The following SEC14L4 variants were observed in gnomAD, a reference collection of about 807,000 sequenced individuals.
SEC14L4 encodes SEC14-like protein 4.
A neutral mutation model predicts 55.1 loss-of-function variants in SEC14L4; 42 were observed. That is an observed-to-expected ratio of 0.76 (90% CI 0.60 to 0.99). The LOEUF is 0.99. Ranked by LOEUF, SEC14L4 falls within the 50% of genes least tolerant of loss-of-function variation. The pLI, the probability that SEC14L4 is intolerant of heterozygous loss-of-function variation, is 0.00. For missense variants in SEC14L4, 445 were observed against 512.1 expected (o/e 0.87, Z 1.27); for synonymous variants, 206 against 206.8 (o/e 1.00, Z 0.03).
chr22:30,501,844 C>CGCATATATATATAT (rs1936331980), intron 2 of SEC14L4, among the ~76,000 whole-genome samples: 1 of 50,282 alleles, frequency 2.0e-5, no homozygotes, highest in Non-Finnish European at 3.5e-5. Context: ...CACACACACG[C>CGCATATATATATAT]ACATATATAT....
At chr22:30,501,846 C>CACATATATATAT (rs1371947748) in intron 2 of SEC14L4, among the ~76,000 whole-genome samples, 14 of 111,898 alleles carry the variant, frequency 1.3e-4, no homozygotes, top group African/African-American at 4.6e-4. Flanking sequence ...CACACACGCA[C>CACATATATATAT]ATATATATAT....
chr22:30,495,903 G>T (rs1339709398), intron 3 of SEC14L4, 25 bp downstream of exon 3: 1 of 1,612,000 alleles, frequency 6.2e-7, no homozygotes, highest in Non-Finnish European at 8.5e-7. Context: ...TGGAAGGCAG[G>T]GCAGTAGGGA....
In SEC14L4 at chr22:30,492,169, A is replaced by G; in HGVS notation, c.665-14T>C. 6.3e-7 allele frequency: 1 copy of G among 1,599,082 alleles called. No homozygotes were observed. Among genetic ancestry groups the G allele is most frequent in the South Asian group, 1.1e-5 (1 of 88,952 alleles). The stretch of plus-strand genomic sequence containing the variant: ...GCTTCCAGTTGTCTGCATGGGAGCA[A>G]GAGAGGGACTCCAAAGGGACTCAGG... On this transcript the variant is annotated splice_polypyrimidine_tract_variant and intron_variant, in intron 8 of 11. Transcript: ENST00000255858.
chr22:30,500,837 C>CATCAGATGGCAT lies in SEC14L4; in HGVS notation c.130+2839_130+2840insATGCCATCTGAT, dbSNP rs1409219883. Among the ~76,000 whole-genome samples the CATCAGATGGCAT allele has an allele frequency of 4.5e-3, 652 of 143,820 alleles. 14 individuals carry two copies. The highest frequency in any genetic ancestry group is 0.016 in the African/African-American group (620 of 38,254). The allele number at this position is 143,820 out of a possible 152,430, so 94.4% of individuals were successfully genotyped here. Reference sequence around the variant, plus strand: ...GGGACCAGGGCAGGCACATCCCTGCCCTGATGGAACTGGCATCAGATGAAA... The same window carrying CATCAGATGGCAT: ...GGGACCAGGGCAGGCACATCCCTGCCATCAGATGGCATCTGATGGAACTGGCATCAGATGAAA... On this transcript the variant is annotated intron_variant, in intron 2 of 11. Transcript: ENST00000255858.
In SEC14L4 at chr22:30,492,336, C is replaced by A. The variant is rs1191446452; in HGVS notation, c.664+138G>T. On this transcript the variant is annotated intron_variant, in intron 8 of 11. Coordinates refer to ENST00000255858, the MANE Select transcript of SEC14L4 (RefSeq NM_174977.4). ...CCACGGTCTAGGACCCAAGGCATTG[C>A]CCGTGCGTGTGGAGGCTCACCAGGG... 4 of 1,129,930 alleles carry A rather than the reference C, an allele frequency of 3.5e-6. No homozygotes were observed. The Admixed American group carries it at 8.0e-5, about 23-fold the overall frequency. 70.0% of individuals were successfully genotyped at this position (1,129,930 alleles called of 1,614,324 possible).
intron 8 of SEC14L4, 141 bp from the exon 9 acceptor site, chr22:30,492,296 T>C: frequency 1.6e-6 from 2 of 1,218,328 alleles, no homozygotes; most frequent in Non-Finnish European, 2.4e-6. Flanking sequence ...CCAAGACCTT[T>C]ATGTGGCTCC....
In SEC14L4 at chr22:30,492,436, C is replaced by T. The variant is rs1197194138; in HGVS notation, c.664+38G>A. 4 of 1,556,270 alleles carry T rather than the reference C, an allele frequency of 2.6e-6. No individual in the cohort carries two copies. The African/African-American group carries it at 4.1e-5, about 16-fold the overall frequency. The stretch of plus-strand genomic sequence containing the variant: ...GTCTTTAGCATTGACCTCTGCTTCC[C>T]AGGCAGATGGACACAACCAGGGGGC... On this transcript the variant is annotated intron_variant, in intron 8 of 11. Coordinates refer to ENST00000255858, the MANE Select transcript of SEC14L4 (RefSeq NM_174977.4).
In SEC14L4 at chr22:30,494,159, CA is replaced by C. The variant is rs758996832; in HGVS notation, c.570del (p.Ile190MetfsTer20). 8.7e-6 allele frequency: 14 copies of C among 1,613,292 alleles called. No individual in the cohort carries two copies. In the South Asian group the frequency reaches 1.2e-4, roughly 14 times the overall value. ...ANYPETLKNL[I>X]VIRAPKLFPV... is the part of the protein sequence containing the mutation. ...CCGGTCATGGGCTTACCTCGAATAACAATTAAATTCTTCAGGGTCTCAGGAT... is the reference window on the plus strand; with the variant it reads ...CCGGTCATGGGCTTACCTCGAATAACATTAAATTCTTCAGGGTCTCAGGAT... On this transcript the variant is annotated frameshift_variant, in exon 7 of 12. Coordinates refer to ENST00000255858, the MANE Select transcript of SEC14L4 (RefSeq NM_174977.4). LOFTEE classifies it high-confidence loss of function.
chr22:30,502,444 G>A (rs1936360223), intron 2 of SEC14L4, among the ~76,000 whole-genome samples: 1 of 152,216 alleles, frequency 6.6e-6, no homozygotes, highest in Non-Finnish European at 1.5e-5. Flanking sequence ...TGCACTGTAT[G>A]TATGCTTTCC....
At position 30,497,057 on chromosome 22, in the gene SEC14L4, G is replaced by A. The variant is rs546513004; in HGVS notation, c.131-1086C>T. ...TGAAACAGTTCCAGAAATCACTCCC[G>A]GCCAGGCGTGGTGGCTCACGCCTGT... On this transcript the variant is annotated intron_variant, in intron 2 of 11. Coordinates refer to ENST00000255858, the MANE Select transcript of SEC14L4 (RefSeq NM_174977.4). Among the ~76,000 whole-genome samples, 140 of 152,208 alleles carry A rather than the reference G, an allele frequency of 9.2e-4. 1 individual carries two copies. The highest frequency in any genetic ancestry group is 6.8e-3 in the Middle Eastern group (2 of 294).
intron 7 of SEC14L4, among the ~76,000 whole-genome samples, chr22:30,493,215 T>C (rs1936025818): frequency 6.6e-6 from 1 of 152,178 alleles, no homozygotes; most frequent in Non-Finnish European, 1.5e-5. Flanking sequence ...TCACTTCTTT[T>C]CCACACTCCA....
Position 30,489,855 on chromosome 22 carries a change from C to A in SEC14L4, c.*252G>T, listed in dbSNP as rs1176208745. On this transcript the variant is annotated 3_prime_UTR_variant, in exon 12 of 12. Coordinates refer to ENST00000255858, the MANE Select transcript of SEC14L4 (RefSeq NM_174977.4). ...CCTCAGTGGACTGGATCATCTTCAGCGTTCTCATTCTCAGCCGCATTCTCT... is the reference window on the plus strand; with the variant it reads ...CCTCAGTGGACTGGATCATCTTCAGAGTTCTCATTCTCAGCCGCATTCTCT... 1.3e-6 allele frequency: 2 copies of A among 1,551,194 alleles called. No homozygotes were observed. The highest frequency in any genetic ancestry group is 1.7e-6 in the Non-Finnish European group (2 of 1,146,598).
rs753131637 is a variant in SEC14L4 at position 30,491,751 on chromosome 22, G to C, written c.912-9C>G. ...CTGAAGCAAACTGCCACCTGCAGTGGATAGAGCCCCATTGGCGACCCCCTG... is the reference window on the plus strand; with the variant it reads ...CTGAAGCAAACTGCCACCTGCAGTGCATAGAGCCCCATTGGCGACCCCCTG... On this transcript the variant is annotated splice_polypyrimidine_tract_variant and intron_variant, in intron 10 of 11. Coordinates refer to ENST00000255858, the MANE Select transcript of SEC14L4 (RefSeq NM_174977.4). The C allele has an allele frequency of 1.5e-5, 24 of 1,613,702 alleles. No individual in the cohort carries two copies. Among genetic ancestry groups the C allele is most frequent in the Non-Finnish European group, 1.9e-5 (23 of 1,179,652 alleles).
At chr22:30,491,164 T>C (rs1384368863) in intron 11 of SEC14L4, among the ~76,000 whole-genome samples, 1 of 152,182 alleles carries the variant, frequency 6.6e-6, no homozygotes, top group Non-Finnish European at 1.5e-5. Flanking sequence ...CTGACTGAGC[T>C]GCATCTGGCC....
Position 30,494,160 on chromosome 22 carries a change from A to C in SEC14L4, c.570T>G (p.Ile190Met), listed in dbSNP as rs1936059826. ...CGGTCATGGGCTTACCTCGAATAAC[A>C]ATTAAATTCTTCAGGGTCTCAGGAT... The part of the protein sequence containing the change: ...ANYPETLKNL[I>M]VIRAPKLFPV... The change falls in exon 7 of 12, where the codon ATT (isoleucine) becomes ATG (methionine). Residue 190 changes from isoleucine (I) to methionine (M), a missense_variant. Coordinates refer to ENST00000255858, the MANE Select transcript of SEC14L4 (RefSeq NM_174977.4). 1.2e-6 allele frequency: 2 copies of C among 1,613,198 alleles called. No individual in the cohort carries two copies. The highest frequency in any genetic ancestry group is 1.7e-6 in the Non-Finnish European group (2 of 1,179,260).
intron 2 of SEC14L4, among the ~76,000 whole-genome samples, chr22:30,498,157 T>A (rs2146189736): frequency 7.3e-6 from 1 of 136,242 alleles, no homozygotes; most frequent in East Asian, 2.1e-4. Context: ...TGAGACAGAG[T>A]CTTACTCTGT....
At chr22:30,500,068 C>T (rs1422420984) in intron 2 of SEC14L4, among the ~76,000 whole-genome samples, 1 of 152,046 alleles carries the variant, frequency 6.6e-6, no homozygotes, top group Non-Finnish European at 1.5e-5. Context: ...CAGGGTTTCT[C>T]CATGTTGGTC....
At chr22:30,492,613 G>C (rs73392181) in intron 7 of SEC14L4, 56 bp from the exon 8 acceptor site, 2 of 1,372,934 alleles carry the variant, frequency 1.5e-6, no homozygotes, top group Non-Finnish European at 2.1e-6. Flanking sequence ...TGGGGATACA[G>C]AGCCACAGCC....
intron 7 of SEC14L4, among the ~76,000 whole-genome samples, chr22:30,493,090 AAAAAAAAAAAAG>A (rs1049537974): frequency 5.3e-5 from 8 of 151,760 alleles, no homozygotes; most frequent in African/African-American, 1.9e-4. Flanking sequence ...TCTCAAAAAA[AAAAAAAAAAAAG>A]AAAAGAAAAA....
Sources: allele counts gnomAD v4.1 joint callset (sites outside exome capture counted in the v4.1 genomes callset), GRCh38; gene constraint gnomAD v4.1.1; transcripts MANE v1.5; gene names NCBI Gene and HGNC (gene_info 2026-07-23, HGNC 2026-07-21).